The following TYW1B variants were observed in gnomAD, a reference collection of about 807,000 sequenced individuals.
TYW1B encodes S-adenosyl-L-methionine-dependent tRNA 4-demethylwyosine synthase TYW1B.
A neutral mutation model predicts 86.9 loss-of-function variants in TYW1B; 73 were observed. That is an observed-to-expected ratio of 0.84 (90% CI 0.70 to 1.02). The LOEUF is 1.02. TYW1B is among the 50% of genes least tolerant of loss of function. TYW1B has a pLI of 0.00. For synonymous variants in TYW1B, 248 were observed against 292.8 expected, an observed-to-expected ratio of 0.85 and a Z score of 1.56; for missense variants, 637 against 827.4, an observed-to-expected ratio of 0.77 and a Z score of 2.82.
intron 6 of TYW1B, among the ~76,000 whole-genome samples, chr7:72,782,640 G>A (rs563579084): frequency 1.5e-4 from 23 of 152,264 alleles, no homozygotes; most frequent in African/African-American, 5.3e-4. Flanking sequence ...ACTTTGGGAG[G>A]TGGAGGTGGG....
chr7:72,645,123 A>G (rs1812897385), intron 11 of TYW1B, among the ~76,000 whole-genome samples: 1 of 152,138 alleles, frequency 6.6e-6, no homozygotes, highest in African/African-American at 2.4e-5. Context: ...CGCCGCGCCC[A>G]GCCATGACTT....
At chr7:72,692,633 GAA>G (rs1207898256) in intron 11 of TYW1B, among the ~76,000 whole-genome samples, 1 of 152,024 alleles carries the variant, frequency 6.6e-6, no homozygotes, top group Non-Finnish European at 1.5e-5. Context: ...CAAAACAGAA[GAA>G]AAACAGTGTT....
rs1563038469 is a variant in TYW1B at position 72,632,323 on chromosome 7, A to ATATAT, written c.1507-3331_1507-3327dup. ...TACGTGTATATATATTATATATATT[A>ATATAT]TATATATATACACGTATATATATTA... On this transcript the variant is annotated intron_variant, in intron 11 of 13. Transcript: ENST00000620995. Among the ~76,000 whole-genome samples the ATATAT allele has an allele frequency of 1.5e-3, 169 of 111,260 alleles. 4 individuals carry two copies. Among genetic ancestry groups the ATATAT allele is most frequent in the African/African-American group, 6.4e-3 (156 of 24,272 alleles). The allele number at this position is 111,260 out of a possible 152,430, so 73.0% of individuals were successfully genotyped here. A position where few individuals can be genotyped will look rare whatever the true frequency, so the allele number is the denominator to read the frequency against.
intron 8 of TYW1B, among the ~76,000 whole-genome samples, chr7:72,737,399 C>T (rs558834908): frequency 2.1e-4 from 32 of 152,158 alleles, no homozygotes; most frequent in Non-Finnish European, 3.4e-4. Context: ...TGTTTGCTTT[C>T]CAAAACTCTG....
intron 2 of TYW1B, among the ~76,000 whole-genome samples, chr7:72,816,010 C>T (rs1485376727): frequency 6.6e-6 from 1 of 152,092 alleles, no homozygotes; most frequent in Non-Finnish European, 1.5e-5. Flanking sequence ...GCCTGGGCCA[C>T]AGACTGAGAT....
intron 13 of TYW1B, among the ~76,000 whole-genome samples, chr7:72,593,510 C>G (rs1208892809): frequency 7.2e-5 from 11 of 151,888 alleles, no homozygotes; most frequent in African/African-American, 2.7e-4. Context: ...TCTCCAAGAA[C>G]AATGGGATGA....
intron 9 of TYW1B, among the ~76,000 whole-genome samples, chr7:72,728,363 G>A (rs1787043302): frequency 6.6e-6 from 1 of 152,178 alleles, no homozygotes; most frequent in Non-Finnish European, 1.5e-5. Context: ...TTGGAGTGGA[G>A]TGGAGAGATC....
chr7:72,674,022 A>T (rs1165419816), intron 11 of TYW1B, among the ~76,000 whole-genome samples: 1 of 152,138 alleles, frequency 6.6e-6, no homozygotes, highest in African/African-American at 2.4e-5. Flanking sequence ...GAGGACTACC[A>T]GTTCAATACC....
chr7:72,614,200 AAAAG>A (rs1246209607), intron 13 of TYW1B, among the ~76,000 whole-genome samples: 3 of 152,238 alleles, frequency 2.0e-5, no homozygotes, highest in Non-Finnish European at 4.4e-5. Context: ...AAACAAAAGA[AAAAG>A]AAAGAAGGAA....
intron 11 of TYW1B, among the ~76,000 whole-genome samples, chr7:72,662,873 G>A (rs1554444674): frequency 2.6e-5 from 4 of 152,088 alleles, no homozygotes; most frequent in Non-Finnish European, 5.9e-5. Context: ...TTTCCCAAAT[G>A]CACTAATAAA....
chr7:72,746,493 G>A (rs1167808951), intron 7 of TYW1B, among the ~76,000 whole-genome samples: 20 of 152,318 alleles, frequency 1.3e-4, no homozygotes, highest in Non-Finnish European at 2.2e-4. Context: ...TATTGATTAA[G>A]AAGTTAATAC....
At chr7:72,727,113 G>A (rs879997187) in intron 9 of TYW1B, among the ~76,000 whole-genome samples, 1 of 152,162 alleles carries the variant, frequency 6.6e-6, no homozygotes, top group Non-Finnish European at 1.5e-5. Flanking sequence ...AGATTTGGGT[G>A]AGGGGGACAA....
At chr7:72,687,998 G>T (rs1814050293) in intron 11 of TYW1B, among the ~76,000 whole-genome samples, 2 of 151,976 alleles carry the variant, frequency 1.3e-5, no homozygotes, top group South Asian at 4.2e-4. Context: ...ACCAGCTTGG[G>T]CAACAAAATG....
intron 10 of TYW1B, among the ~76,000 whole-genome samples, chr7:72,701,074 A>G (rs1457650842): frequency 2.0e-5 from 3 of 152,148 alleles, no homozygotes; most frequent in Admixed American, 6.5e-5. Context: ...AGAAAAAAAA[A>G]AAAAGAAAAG....
chr7:72,775,045 G>A (rs1168217204), intron 7 of TYW1B, among the ~76,000 whole-genome samples: 2 of 152,090 alleles, frequency 1.3e-5, no homozygotes, highest in Non-Finnish European at 2.9e-5. Context: ...TAGGATTAAT[G>A]GAAGATGAGA....
intron 7 of TYW1B, among the ~76,000 whole-genome samples, chr7:72,751,701 T>C (rs184060400): frequency 1.7e-3 from 254 of 152,326 alleles, no homozygotes; most frequent in Middle Eastern, 0.014. Context: ...TGGCAAGAGA[T>C]GTTTTCTTGT....
At chr7:72,630,249 G>A (rs138050149) in intron 11 of TYW1B, among the ~76,000 whole-genome samples, 474 of 152,146 alleles carry the variant, frequency 3.1e-3, no homozygotes, top group African/African-American at 0.011. Flanking sequence ...ACTGCACTGA[G>A]ACAGAGCAAG....
intron 11 of TYW1B, among the ~76,000 whole-genome samples, chr7:72,645,354 T>C (rs1267230711): frequency 6.6e-6 from 1 of 152,232 alleles, no homozygotes; most frequent in African/African-American, 2.4e-5. Flanking sequence ...AATGTTCTTA[T>C]ATGGCCTTGC....
chr7:72,616,040 A>AAAGAAAT (rs1174035009), intron 13 of TYW1B, among the ~76,000 whole-genome samples: 1 of 152,232 alleles, frequency 6.6e-6, no homozygotes. Context: ...ATAAGTATTT[A>AAAGAAAT]AAGAAATAAA....
Sources: allele counts gnomAD v4.1 joint callset (sites outside exome capture counted in the v4.1 genomes callset), GRCh38; gene constraint gnomAD v4.1.1; transcripts MANE v1.5; gene names NCBI Gene and HGNC (gene_info 2026-07-23, HGNC 2026-07-21).